Variants in DICER1 observed in about 807,000 individuals in gnomAD.
DICER1 encodes dicer 1, ribonuclease III, also known as endoribonuclease Dicer.
Under a neutral mutation model 194.1 loss-of-function variants are expected in DICER1, and 43 were observed. The ratio of observed to expected loss-of-function variants is 0.22; its 90% CI spans 0.17 to 0.29. The LOEUF is 0.29. Among genes scored for constraint, DICER1 ranks in the 10% least tolerant of loss-of-function variants. The probability of loss-of-function intolerance (pLI) is 1.00; values close to 1 mark genes in which losing one functional copy is unlikely to be tolerated. For missense variants in DICER1, 1,608 were observed against 2,317.0 expected (o/e 0.69, Z 6.28); for synonymous variants, 832 against 820.5 (o/e 1.01, Z -0.24).
At chr14:95,112,029 G>C in intron 13 of DICER1, 143 bp downstream of exon 13, 1 of 743,920 alleles carries the variant, frequency 1.3e-6, no homozygotes, top group Non-Finnish European at 2.4e-6. Context: ...TAACACTTAT[G>C]TTTATATTCA....
chr14:95,101,636 A>G (rs566503423), intron 21 of DICER1, among the ~76,000 whole-genome samples: 9 of 152,102 alleles, frequency 5.9e-5, no homozygotes, highest in Non-Finnish European at 1.2e-4. Flanking sequence ...ACTGCCCCCA[A>G]GTTGCCAGTT....
At chr14:95,113,645 C>A (rs932769685) in intron 11 of DICER1, among the ~76,000 whole-genome samples, 1 of 152,162 alleles carries the variant, frequency 6.6e-6, no homozygotes, top group Admixed American at 6.5e-5. Context: ...CACCAACTAC[C>A]AGCACACATA....
intron 7 of DICER1, among the ~76,000 whole-genome samples, chr14:95,126,166 T>C (rs1411574727): frequency 1.3e-5 from 2 of 152,200 alleles, no homozygotes; most frequent in African/African-American, 2.4e-5. Context: ...GAAGGATCAC[T>C]GTCCTAAGGG....
At chr14:95,113,560 G>A (rs1213049194) in intron 11 of DICER1, among the ~76,000 whole-genome samples, 1 of 152,104 alleles carries the variant, frequency 6.6e-6, no homozygotes, top group East Asian at 1.9e-4. Context: ...TACCATAATA[G>A]AGCACAAAGT....
intron 11 of DICER1, among the ~76,000 whole-genome samples, chr14:95,114,194 A>G (rs1435251911): frequency 6.6e-6 from 1 of 152,220 alleles, no homozygotes; most frequent in Non-Finnish European, 1.5e-5. Flanking sequence ...CTTTTTCTCC[A>G]CTAAATTCGA....
intron 14 of DICER1, among the ~76,000 whole-genome samples, chr14:95,110,179 T>A (rs1178371543): frequency 6.6e-6 from 1 of 152,196 alleles, no homozygotes; most frequent in East Asian, 1.9e-4. Context: ...AAAACACTTT[T>A]AATATTAAGC....
intron 20 of DICER1, 134 bp from the exon 21 acceptor site, chr14:95,104,260 T>C (rs1891213318): frequency 2.7e-6 from 2 of 743,776 alleles, no homozygotes; most frequent in African/African-American, 3.6e-5. Context: ...GAAGCAAGTT[T>C]CCAAATTTTT....
At chr14:95,127,103 G>T (rs931369591) in intron 6 of DICER1, among the ~76,000 whole-genome samples, 1 of 152,160 alleles carries the variant, frequency 6.6e-6, no homozygotes, top group East Asian at 1.9e-4. Flanking sequence ...CACACAGGGA[G>T]GATGACGAAG....
At chr14:95,140,780 A>G (rs1204785975) in intron 1 of DICER1, 1 of 152,246 alleles carries the variant, frequency 6.6e-6, no homozygotes, top group African/African-American at 2.4e-5. Flanking sequence ...ATGCAAAAAT[A>G]GCCAAGTTTA....
At chr14:95,138,998 A>T (rs1461773539) in intron 1 of DICER1, among the ~76,000 whole-genome samples, 3 of 148,142 alleles carry the variant, frequency 2.0e-5, no homozygotes, top group South Asian at 2.1e-4. Context: ...AAAAAATAAA[A>T]AAAAAAAAAA....
intron 1 of DICER1, among the ~76,000 whole-genome samples, chr14:95,147,639 C>T (rs1025237897): frequency 1.3e-5 from 2 of 152,208 alleles, no homozygotes; most frequent in Admixed American, 6.5e-5. Flanking sequence ...AATTCTGCAG[C>T]GGACACCAGC....
chr14:95,118,819 T>C (rs1253500458), intron 8 of DICER1, among the ~76,000 whole-genome samples: 1 of 151,542 alleles, frequency 6.6e-6, no homozygotes, highest in African/African-American at 2.4e-5. Flanking sequence ...AAAAAATACA[T>C]GAAACAGACT....
intron 9 of DICER1, among the ~76,000 whole-genome samples, chr14:95,117,223 C>A (rs1595413616): frequency 1.3e-5 from 2 of 148,588 alleles, no homozygotes; most frequent in Non-Finnish European, 1.5e-5. Flanking sequence ...AGAATTGAAA[C>A]AAAATAGGCC....
intron 1 of DICER1, among the ~76,000 whole-genome samples, chr14:95,148,535 T>C (rs11622643): frequency 0.12 from 18,476 of 152,262 alleles, 1,234 homozygotes; most frequent in Middle Eastern, 0.17. Context: ...CATTACTGTA[T>C]CTGAACCAAA....
At chr14:95,131,677 A>G in intron 3 of DICER1, 38 bp from the exon 4 acceptor site, 1 of 1,605,206 alleles carries the variant, frequency 6.2e-7, no homozygotes. Context: ...AATATGAGAA[A>G]TCTTGCCTAG....
chr14:95,148,692 C>T (rs916765247), intron 1 of DICER1, among the ~76,000 whole-genome samples: 9 of 152,278 alleles, frequency 5.9e-5, no homozygotes, highest in Admixed American at 2.0e-4. Context: ...CAAAGATCTC[C>T]ATATAAGAAG....
At chr14:95,108,682 C>T (rs1190954842) in intron 14 of DICER1, among the ~76,000 whole-genome samples, 179 bp from the exon 15 acceptor site, 3 of 152,222 alleles carry the variant, frequency 2.0e-5, no homozygotes, top group Non-Finnish European at 2.9e-5. Flanking sequence ...CAGCGGATCT[C>T]AGGACAGGGC....
At position 95,124,089 on chromosome 14, in the gene DICER1, C is replaced by T. The variant is rs368836084; in HGVS notation, c.1376+107G>A. Reference sequence around the variant, plus strand: ...AGCAATGATGGCGCCAAGTCAAGGACACTTACATAACCCTCATGCTAGCTC... The same window carrying T: ...AGCAATGATGGCGCCAAGTCAAGGATACTTACATAACCCTCATGCTAGCTC... On this transcript the variant is annotated intron_variant, in intron 8 of 26. Transcript: ENST00000343455. This position sits in a 1 kb window ranked among gnomAD's most constrained non-coding sequence, Gnocchi z 4.5. 1.2e-6 allele frequency: 1 copy of T among 804,456 alleles called. No homozygotes were observed. Among genetic ancestry groups the T allele is most frequent in the Non-Finnish European group, 2.1e-6 (1 of 478,910 alleles). The allele number at this position is 804,456 out of a possible 1,614,324, so 49.8% of individuals were successfully genotyped here. A position where few individuals can be genotyped will look rare whatever the true frequency, so the allele number is the denominator to read the frequency against.
chr14:95,095,952 A>G lies in DICER1; in HGVS notation c.4968T>C (p.Asp1656=). The change falls in exon 23 of 27, where the codon GAT becomes GAC. Residue 1656 remains aspartate, a synonymous_variant. Coordinates refer to ENST00000343455, the MANE Select transcript of DICER1 (RefSeq NM_177438.3). Reference sequence around the variant, plus strand: ...CCGATATAAGGTGATTCAGTGTTTTATCTGCATCTGGATGATCAAACATAC... The same window carrying G: ...CCGATATAAGGTGATTCAGTGTTTTGTCTGCATCTGGATGATCAAACATAC... ...PRCMFDHPDA[D]KTLNHLISGF... The G allele has an allele frequency of 6.2e-7, 1 of 1,614,234 alleles. No homozygotes were observed. Among genetic ancestry groups the G allele is most frequent in the Non-Finnish European group, 8.5e-7 (1 of 1,180,032 alleles).
Sources: gnomAD v4.1 joint callset for allele counts (sites outside exome capture counted in the v4.1 genomes callset) on GRCh38, gnomAD v4.1.1 for gene constraint, Gnocchi (gnomAD v3.1) non-coding constraint, MANE v1.5 for transcripts, NCBI Gene and HGNC (gene_info 2026-07-23, HGNC 2026-07-21) for gene names.